The following CNGB3 variants were observed in gnomAD, a reference collection of about 807,000 sequenced individuals.
The protein encoded by CNGB3 is cyclic nucleotide-gated channel beta-3.
CNGB3 carries 86 observed loss-of-function variants against 92.8 expected under a neutral mutation model. The ratio of observed to expected loss-of-function variants is 0.93; its 90% confidence interval spans 0.78 to 1.11. The LOEUF (loss-of-function observed/expected upper bound fraction) is 1.11. Among genes scored for constraint, CNGB3 ranks in the 50% least tolerant of loss-of-function variants. The pLI is 0.00. For synonymous variants in CNGB3, 333 were observed against 332.7 expected, an observed-to-expected ratio of 1.00 and a Z score of -0.01; for missense variants, 1,026 against 956.8, an observed-to-expected ratio of 1.07 and a Z score of -0.95.
chr8:86,623,201 C>T (rs1466014247), intron 13 of CNGB3, among the ~76,000 whole-genome samples: 1 of 152,122 alleles, frequency 6.6e-6, no homozygotes, highest in African/African-American at 2.4e-5. Flanking sequence ...AAATGGATTG[C>T]TCCAGCTTGG....
In CNGB3 at chr8:86,604,131, C is replaced by G; in HGVS notation, c.1743G>C (p.Leu581=). 1 of 1,613,516 alleles carries G rather than the reference C, an allele frequency of 6.2e-7. No homozygotes were observed. Among genetic ancestry groups the G allele is most frequent in the South Asian group, 1.1e-5 (1 of 91,036 alleles). Residue 581 remains leucine (L), a synonymous_variant, in exon 15 of 18, where the codon CTG becomes CTC. Transcript: ENST00000320005. ...ACACCGACCCAGCTTTCAGAGTAAC[C>G]AGAACTTTAGTACCATCAGGGCCTC... The part of the protein sequence containing the change: ...VLGGPDGTKV[L]VTLKAGSVFG...
chr8:86,697,210 G>C (rs1182392081), intron 3 of CNGB3, among the ~76,000 whole-genome samples: 1 of 152,082 alleles, frequency 6.6e-6, no homozygotes. Context: ...TGGCTACCTT[G>C]CACTGCCTCC....
intron 3 of CNGB3, among the ~76,000 whole-genome samples, chr8:86,698,571 C>T (rs1216408576): frequency 6.6e-6 from 1 of 152,124 alleles, no homozygotes; most frequent in African/African-American, 2.4e-5. Context: ...GCTTTTCATC[C>T]CACAATTAGA....
intron 3 of CNGB3, among the ~76,000 whole-genome samples, chr8:86,708,250 T>C (rs554742889): frequency 8.6e-5 from 13 of 151,828 alleles, no homozygotes; most frequent in South Asian, 4.2e-4. Flanking sequence ...AGTTTAGAGG[T>C]TGGGGAGGTG....
At chr8:86,638,997 C>T (rs1328568802) in intron 10 of CNGB3, among the ~76,000 whole-genome samples, 1 of 151,876 alleles carries the variant, frequency 6.6e-6, no homozygotes, top group African/African-American at 2.4e-5. Context: ...GTATCTAGGA[C>T]ATCCTGAATA....
At chr8:86,580,495 TCTC>T (rs1286488019) in intron 15 of CNGB3, among the ~76,000 whole-genome samples, 1 of 152,174 alleles carries the variant, frequency 6.6e-6, no homozygotes, top group Non-Finnish European at 1.5e-5. Flanking sequence ...TCCAATCTCA[TCTC>T]CTACTATACT....
At chr8:86,618,419 A>G (rs1317829480) in intron 13 of CNGB3, among the ~76,000 whole-genome samples, 2 of 152,218 alleles carry the variant, frequency 1.3e-5, no homozygotes, top group Non-Finnish European at 2.9e-5. Flanking sequence ...TTTAATAATA[A>G]CTATGTAATT....
At chr8:86,678,356 C>A (rs1188320556) in intron 3 of CNGB3, among the ~76,000 whole-genome samples, 1 of 152,144 alleles carries the variant, frequency 6.6e-6, no homozygotes, top group African/African-American at 2.4e-5. Flanking sequence ...TATAACTCAA[C>A]CAAGTCTCAC....
intron 13 of CNGB3, among the ~76,000 whole-genome samples, chr8:86,621,421 A>C (rs1822724367): frequency 6.6e-6 from 1 of 152,144 alleles, no homozygotes; most frequent in Non-Finnish European, 1.5e-5. Flanking sequence ...ACCTACTCTT[A>C]TGTATGAGGC....
intron 3 of CNGB3, among the ~76,000 whole-genome samples, chr8:86,680,715 G>GT (rs917070147): frequency 1.4e-4 from 22 of 152,170 alleles, no homozygotes; most frequent in African/African-American, 5.3e-4. Flanking sequence ...CTTGACAGTG[G>GT]TTTTCCCTCA....
intron 10 of CNGB3, among the ~76,000 whole-genome samples, chr8:86,641,794 G>T (rs191780191): frequency 2.4e-4 from 37 of 151,930 alleles, no homozygotes; most frequent in Admixed American, 6.6e-4. Flanking sequence ...AGCAATCACT[G>T]AAAACTGTTG....
intron 6 of CNGB3, chr8:86,660,900 C>A (rs1192191772): frequency 3.0e-6 from 1 of 336,744 alleles, no homozygotes; most frequent in Non-Finnish European, 6.0e-6. Flanking sequence ...TCTTCCCAGG[C>A]CTCTTAAGAA....
chr8:86,591,017 T>G (rs1440324229), intron 15 of CNGB3, among the ~76,000 whole-genome samples: 1 of 152,212 alleles, frequency 6.6e-6, no homozygotes, highest in Non-Finnish European at 1.5e-5. Flanking sequence ...AGTCCCATAT[T>G]TCTTCAAGGC....
intron 3 of CNGB3, among the ~76,000 whole-genome samples, chr8:86,720,832 A>G (rs370128766): frequency 2.6e-4 from 19 of 72,412 alleles, no homozygotes; most frequent in Admixed American, 2.3e-3. Context: ...ATATATATAT[A>G]TATGTATACA....
At chr8:86,699,134 T>A (rs1206300319) in intron 3 of CNGB3, among the ~76,000 whole-genome samples, 1 of 152,190 alleles carries the variant, frequency 6.6e-6, no homozygotes, top group African/African-American at 2.4e-5. Context: ...GATAGTAAAG[T>A]TACGCCCACA....
At chr8:86,621,488 C>A (rs975195921) in intron 13 of CNGB3, among the ~76,000 whole-genome samples, 3 of 152,000 alleles carry the variant, frequency 2.0e-5, no homozygotes, top group Non-Finnish European at 4.4e-5. Flanking sequence ...TATTTAATTT[C>A]AATAGTTTTT....
chr8:86,699,490 A>G (rs78271435), intron 3 of CNGB3, among the ~76,000 whole-genome samples: 1 of 152,090 alleles, frequency 6.6e-6, no homozygotes, highest in Admixed American at 6.5e-5. Context: ...CTCAAAAATA[A>G]TACATAAAAA....
intron 10 of CNGB3, among the ~76,000 whole-genome samples, chr8:86,634,222 C>T (rs564558002): frequency 5.9e-5 from 9 of 152,226 alleles, no homozygotes; most frequent in African/African-American, 2.2e-4. Flanking sequence ...ACTCATACAA[C>T]CATTCTGCTT....
chr8:86,659,013 C>T (rs192161315), intron 6 of CNGB3: 33 of 1,022,364 alleles, frequency 3.2e-5, no homozygotes, highest in South Asian at 2.4e-4. Context: ...CAGCTCCTTC[C>T]GCAGGTGCTC....
Sources: allele counts gnomAD v4.1 joint callset (sites outside exome capture counted in the v4.1 genomes callset), GRCh38; gene constraint gnomAD v4.1.1; transcripts MANE v1.5; gene names NCBI Gene and HGNC (gene_info 2026-07-23, HGNC 2026-07-21).